ST8SIA6: variants seen among roughly 807,000 people sequenced by gnomAD.
ST8SIA6 encodes the protein alpha-2,8-sialyltransferase 8F.
Under a neutral mutation model 33.6 loss-of-function variants are expected in ST8SIA6, and 39 were observed. That is an observed-to-expected ratio of 1.16 (90% confidence interval 0.90 to 1.52). The LOEUF (loss-of-function observed/expected upper bound fraction) is 1.52, where lower values mean the gene tolerates loss of function less well. Among genes scored for constraint, ST8SIA6 ranks in the 40% most tolerant of loss-of-function variants. ST8SIA6 has a pLI of 0.00. For missense variants in ST8SIA6, 441 were observed against 443.8 expected (o/e 0.99, Z 0.06); for synonymous variants, 172 against 167.2 (o/e 1.03, Z -0.22).
chr10:17,334,428 A>T (rs1184729939), intron 4 of ST8SIA6, among the ~76,000 whole-genome samples: 1 of 151,794 alleles, frequency 6.6e-6, no homozygotes, highest in Non-Finnish European at 1.5e-5. Context: ...AGTCCCAGCT[A>T]GTTGGGAGGC....
At chr10:17,389,555 T>C (rs1021405827) in intron 3 of ST8SIA6, among the ~76,000 whole-genome samples, 1 of 152,144 alleles carries the variant, frequency 6.6e-6, no homozygotes, top group Non-Finnish European at 1.5e-5. Flanking sequence ...TCCATGTAGA[T>C]GAGGCATGGA....
rs764541021 is a variant in ST8SIA6 at position 17,358,695 on chromosome 10, AAGG to A, written c.377+816_377+818del. Among the ~76,000 whole-genome samples, 158 of 71,008 alleles carry A rather than the reference AAGG, an allele frequency of 2.2e-3. 5 individuals carry two copies. The highest frequency in any genetic ancestry group is 5.0e-3 in the African/African-American group (90 of 17,968). The allele number at this position is 71,008 out of a possible 152,430, so 46.6% of individuals were successfully genotyped here. A position where few individuals can be genotyped will look rare whatever the true frequency, so the allele number is the denominator to read the frequency against. On this transcript the variant is annotated intron_variant, in intron 4 of 7. Transcript: ENST00000377602. ...AAGAAAGAAGAAGAGGAAGAGGAAA[AAGG>A]AGGAGGAGGAGGAAAGAAGAAAGAA...
intron 3 of ST8SIA6, among the ~76,000 whole-genome samples, chr10:17,365,526 A>C (rs532616388): frequency 1.3e-5 from 2 of 152,282 alleles, no homozygotes; most frequent in East Asian, 3.9e-4. Flanking sequence ...GAAATCTCAC[A>C]TCATCCTGCT....
At position 17,318,805 on chromosome 10, in the gene ST8SIA6, A is replaced by G. The variant is rs1165564620; in HGVS notation, c.*2073T>C. 2.6e-5 allele frequency: 12 copies of G among 456,754 alleles called. No homozygotes were observed. Among genetic ancestry groups the G allele is most frequent in the Non-Finnish European group, 4.9e-5 (11 of 223,202 alleles). The allele number at this position is 456,754 out of a possible 1,614,324, so 28.3% of individuals were successfully genotyped here. A position where few individuals can be genotyped will look rare whatever the true frequency, so the allele number is the denominator to read the frequency against. ...CTGTGACTTACGTTTTACAGTTTACATAGCTGACATGCTGTATTGTAAACA... is the reference window on the plus strand; with the variant it reads ...CTGTGACTTACGTTTTACAGTTTACGTAGCTGACATGCTGTATTGTAAACA... On this transcript the variant is annotated 3_prime_UTR_variant, in exon 8 of 8. Transcript: ENST00000377602.
At chr10:17,435,045 A>T (rs1315307548) in intron 2 of ST8SIA6, among the ~76,000 whole-genome samples, 1 of 152,154 alleles carries the variant, frequency 6.6e-6, no homozygotes, top group East Asian at 1.9e-4. Context: ...AATTACACTC[A>T]GGGGGATGCC....
At chr10:17,336,629 C>A (rs1335296417) in intron 4 of ST8SIA6, among the ~76,000 whole-genome samples, 2 of 147,858 alleles carry the variant, frequency 1.4e-5, no homozygotes, top group African/African-American at 5.0e-5. Flanking sequence ...AGTCTCACTA[C>A]CTCACCCAGG....
rs143839850 is a variant in ST8SIA6, at chr10:17,349,678, C to A, written c.377+9836G>T. Among the ~76,000 whole-genome samples, 183 of 151,920 alleles carry A rather than the reference C, an allele frequency of 1.2e-3. 2 individuals carry two copies. The highest frequency in any genetic ancestry group is 0.012 in the Admixed American group (176 of 15,246). On this transcript the variant is annotated intron_variant, in intron 4 of 7. Transcript: ENST00000377602. ...TAACTTATTCACTTACAGGGGAGAC[C>A]AAATTTAAAAGAAAATGAAAGATTA...
intron 6 of ST8SIA6, among the ~76,000 whole-genome samples, chr10:17,326,433 C>G (rs963541812): frequency 1.3e-4 from 20 of 152,142 alleles, no homozygotes; most frequent in African/African-American, 4.8e-4. Flanking sequence ...CATTTTGTTT[C>G]TATTTTTGCA....
chr10:17,389,202 G>A (rs931751898), intron 3 of ST8SIA6, among the ~76,000 whole-genome samples: 2 of 152,050 alleles, frequency 1.3e-5, no homozygotes, highest in African/African-American at 2.4e-5. Flanking sequence ...TCTGATCCCC[G>A]ATCCAACGCT....
chr10:17,379,675 G>GC (rs1408214929), intron 3 of ST8SIA6, among the ~76,000 whole-genome samples: 1 of 152,076 alleles, frequency 6.6e-6, no homozygotes, highest in Non-Finnish European at 1.5e-5. Context: ...GCTTCAAGCT[G>GC]CCCCACCTTT....
chr10:17,324,735 AC>A (rs1848066192), intron 6 of ST8SIA6, among the ~76,000 whole-genome samples: 1 of 143,144 alleles, frequency 7.0e-6, no homozygotes, highest in African/African-American at 2.8e-5. Context: ...ACACACACAC[AC>A]ACAAACAGTA....
chr10:17,437,373 T>A (rs1852303481), intron 2 of ST8SIA6, among the ~76,000 whole-genome samples: 1 of 152,236 alleles, frequency 6.6e-6, no homozygotes, highest in South Asian at 2.1e-4. Context: ...GGTCTCACTA[T>A]GTTGCTCAGG....
In ST8SIA6 at chr10:17,368,232, CAA is replaced by C. The variant is rs61426907; in HGVS notation, c.291-8634_291-8633del. ...CTAACATGGACAAATCCTGTCTCTACAAAAAAAAAAAAAAAAAAAAAAAAAAT... is the reference window on the plus strand; with the variant it reads ...CTAACATGGACAAATCCTGTCTCTACAAAAAAAAAAAAAAAAAAAAAAAAT... On this transcript the variant is annotated intron_variant, in intron 3 of 7. Transcript: ENST00000377602. Among the ~76,000 whole-genome samples the C allele has an allele frequency of 4.7e-3, 351 of 74,140 alleles. 1 individual carries two copies. Among genetic ancestry groups the C allele is most frequent in the East Asian group, 0.021 (59 of 2,750 alleles). The allele number at this position is 74,140 out of a possible 152,430, so 48.6% of individuals were successfully genotyped here.
At position 17,321,355 on chromosome 10, in the gene ST8SIA6, T is replaced by G. The variant is rs778843494; in HGVS notation, c.729-9A>C. The G allele has an allele frequency of 1.9e-6, 3 of 1,571,696 alleles. No homozygotes were observed. In the South Asian group the frequency reaches 3.6e-5, roughly 19 times the overall value. ...CCTTTAAGTTCCCATATCTGCCAAA[T>G]TAAAAAAAAATTATAGTAATCCCAA... On this transcript the variant is annotated splice_polypyrimidine_tract_variant and intron_variant, in intron 7 of 7. Transcript: ENST00000377602.
intron 2 of ST8SIA6, among the ~76,000 whole-genome samples, chr10:17,425,837 C>T (rs915602379): frequency 4.0e-5 from 6 of 151,592 alleles, no homozygotes; most frequent in South Asian, 4.2e-4. Context: ...GGTGGAGATA[C>T]GGTGGTATAA....
chr10:17,362,780 C>T lies in ST8SIA6; in HGVS notation c.291-3180G>A, dbSNP rs550352542. On this transcript the variant is annotated intron_variant, in intron 3 of 7. Transcript: ENST00000377602. ...AGGCTGGAGTGCAGTGGTGGGATCTCGGTTCACTGCAACCTCCGCCTCCCA... is the reference window on the plus strand; with the variant it reads ...AGGCTGGAGTGCAGTGGTGGGATCTTGGTTCACTGCAACCTCCGCCTCCCA... Among the ~76,000 whole-genome samples the T allele has an allele frequency of 3.9e-5, 6 of 151,974 alleles. No homozygotes were observed. In the South Asian group the frequency reaches 8.4e-4, roughly 21 times the overall value.
In ST8SIA6 at chr10:17,320,706, G is replaced by A; in HGVS notation, c.*172C>T. On this transcript the variant is annotated 3_prime_UTR_variant, in exon 8 of 8. Coordinates refer to ENST00000377602, the MANE Select transcript of ST8SIA6 (RefSeq NM_001004470.3). ...TGTTATAAGGAGAAAAAATGAAGAT[G>A]AGAAGGATTGAATGACTTGCCATCA... 3 of 620,516 alleles carry A rather than the reference G, an allele frequency of 4.8e-6. No individual in the cohort carries two copies. The highest frequency in any genetic ancestry group is 5.9e-5 in the Admixed American group (2 of 34,028). 38.4% of individuals were successfully genotyped at this position (620,516 alleles called of 1,614,324 possible). A position where few individuals can be genotyped will look rare whatever the true frequency, so the allele number is the denominator to read the frequency against.
chr10:17,346,885 C>A (rs561291884), intron 4 of ST8SIA6, among the ~76,000 whole-genome samples: 1 of 152,216 alleles, frequency 6.6e-6, no homozygotes, highest in East Asian at 1.9e-4. Context: ...ATCTATCTAT[C>A]GATCTATCGA....
intron 3 of ST8SIA6, among the ~76,000 whole-genome samples, chr10:17,367,514 T>A (rs17140876): frequency 1.3e-5 from 2 of 152,164 alleles, no homozygotes; most frequent in Admixed American, 1.3e-4. Context: ...TCACTTCTTC[T>A]TCACAAATAT....
Sources: gnomAD v4.1 joint callset for allele counts (sites outside exome capture counted in the v4.1 genomes callset) on GRCh38, gnomAD v4.1.1 for gene constraint, MANE v1.5 for transcripts, NCBI Gene and HGNC (gene_info 2026-07-23, HGNC 2026-07-21) for gene names.